CATSPERE: variants seen among roughly 807,000 people sequenced by gnomAD.
The protein encoded by CATSPERE is catsper channel auxiliary subunit epsilon.
CATSPERE carries 93 observed loss-of-function variants against 114.1 expected under a neutral mutation model. That is an observed-to-expected ratio of 0.81 (90% CI 0.69 to 0.97). CATSPERE has a LOEUF of 0.97. Ranked by LOEUF, CATSPERE falls within the 50% of genes least tolerant of loss-of-function variation. The pLI, the probability that CATSPERE is intolerant of heterozygous loss-of-function variation, is 0.00. For synonymous variants in CATSPERE, 341 were observed against 384.1 expected, an observed-to-expected ratio of 0.89 and a Z score of 1.31; for missense variants, 1,058 against 1,131.6, an observed-to-expected ratio of 0.93 and a Z score of 0.93.
At chr1:244,492,293 T>C (rs1399384320) in intron 6 of CATSPERE, among the ~76,000 whole-genome samples, 1 of 152,056 alleles carries the variant, frequency 6.6e-6, no homozygotes, top group Non-Finnish European at 1.5e-5. Flanking sequence ...GTTCAACATA[T>C]GCAAATCAAT....
chr1:244,485,628 T>C (rs1220813204), intron 5 of CATSPERE, among the ~76,000 whole-genome samples: 2 of 152,130 alleles, frequency 1.3e-5, no homozygotes, highest in Admixed American at 6.6e-5. Context: ...TGTGATTCAT[T>C]CTTGGTTATT....
Position 244,640,032 on chromosome 1 carries a change from A to T in CATSPERE, c.2807A>T (p.Tyr936Phe). 3.2e-6 allele frequency: 5 copies of T among 1,550,992 alleles called. No homozygotes were observed. Among genetic ancestry groups the T allele is most frequent in the Non-Finnish European group, 4.4e-6 (5 of 1,146,600 alleles). Residue 936 changes from tyrosine (Y) to phenylalanine (F), a missense_variant, in exon 22 of 22, where the codon TAT (tyrosine) becomes TTT (phenylalanine). Transcript: ENST00000366534. ...YFRYMRIYRR[Y>F]IYEPLHKPQR... ...CGGTACATGAGGATTTATAGACGATATATTTATGAACCACTTCACAAACCT... is the reference window on the plus strand; with the variant it reads ...CGGTACATGAGGATTTATAGACGATTTATTTATGAACCACTTCACAAACCT...
chr1:244,525,345 G>T (rs1311739534), intron 8 of CATSPERE, among the ~76,000 whole-genome samples: 4 of 123,398 alleles, frequency 3.2e-5, no homozygotes, highest in East Asian at 2.8e-4. Flanking sequence ...CTTTTGGAGT[G>T]GGGGGAGGGG....
intron 5 of CATSPERE, among the ~76,000 whole-genome samples, chr1:244,485,765 G>A (rs3003306): frequency 0.63 from 94,178 of 148,334 alleles, 30,200 homozygotes; most frequent in Middle Eastern, 0.74. Flanking sequence ...TAGTGCAATC[G>A]TAGCTCACGT....
intron 10 of CATSPERE, among the ~76,000 whole-genome samples, chr1:244,564,420 A>G (rs1663090221): frequency 6.6e-6 from 1 of 152,000 alleles, no homozygotes; most frequent in African/African-American, 2.4e-5. Flanking sequence ...GTCCTCTCTT[A>G]TTTCCTTGAG....
At chr1:244,637,448 A>G (rs1674771529) in intron 21 of CATSPERE, among the ~76,000 whole-genome samples, 1 of 152,078 alleles carries the variant, frequency 6.6e-6, no homozygotes, top group African/African-American at 2.4e-5. Flanking sequence ...TACACCTTCC[A>G]CACTGTCATT....
intron 20 of CATSPERE, among the ~76,000 whole-genome samples, chr1:244,631,033 C>A (rs893854996): frequency 1.3e-5 from 2 of 152,074 alleles, no homozygotes; most frequent in Admixed American, 1.3e-4. Context: ...TCTGTGTAAC[C>A]CTTCCTCTCC....
At chr1:244,615,643 T>C (rs1471713283) in intron 19 of CATSPERE, among the ~76,000 whole-genome samples, 2 of 152,012 alleles carry the variant, frequency 1.3e-5, no homozygotes, top group Non-Finnish European at 2.9e-5. Context: ...GGGACCACTA[T>C]TGTATATGTG....
In CATSPERE at chr1:244,485,734, G is replaced by A. The variant is rs1255421231; in HGVS notation, c.327-4713G>A. Reference sequence around the variant, plus strand: ...TTTTTTTGAGATAGGATCTTGTCCTGTCACCCAGGCTGGAGTGCAGTAGTG... The same window carrying A: ...TTTTTTTGAGATAGGATCTTGTCCTATCACCCAGGCTGGAGTGCAGTAGTG... On this transcript the variant is annotated intron_variant, in intron 5 of 21. Transcript: ENST00000366534. 2.1e-5 allele frequency among the ~76,000 whole-genome samples: 3 copies of A among 140,922 alleles called. No homozygotes were observed. The Middle Eastern group carries it at 0.012, about 550-fold the overall frequency. 92.5% of individuals were successfully genotyped at this position (140,922 alleles called of 152,430 possible). A position where few individuals can be genotyped will look rare whatever the true frequency, so the allele number is the denominator to read the frequency against.
intron 8 of CATSPERE, among the ~76,000 whole-genome samples, chr1:244,534,205 C>A (rs965357421): frequency 3.3e-5 from 5 of 152,180 alleles, no homozygotes; most frequent in Admixed American, 6.5e-5. Context: ...TATCCTTCAC[C>A]TTTATAGTAG....
intron 8 of CATSPERE, among the ~76,000 whole-genome samples, chr1:244,528,785 C>CCACACACGCACGCACACA (rs749801424): frequency 1.5e-5 from 2 of 130,536 alleles, no homozygotes; most frequent in African/African-American, 5.9e-5. Flanking sequence ...CAATCCCCCA[C>CCACACACGCACGCACACA]CACACACACA....
rs1281008386 is a variant in CATSPERE at position 244,591,685 on chromosome 1, A to G, written c.2143A>G (p.Ser715Gly). ...ATTATGTTTTGTCTTTTGTAGATTT[A>G]GTAAAAAAGGATGTCATCACCATGA... ...DKKFIAIKGF[S>G]KKGCHHHDFS... The change falls in exon 15 of 22, where the codon AGT (serine) becomes GGT (glycine). Residue 715 changes from serine to glycine, a missense_variant. By Grantham distance (56) the Ser-to-Gly change is moderately conservative. Coordinates refer to ENST00000366534, the MANE Select transcript of CATSPERE (RefSeq NM_001130957.2). 6.7e-7 allele frequency: 1 copy of G among 1,497,088 alleles called. No homozygotes were observed. The highest frequency in any genetic ancestry group is 1.9e-5 in the Admixed American group (1 of 53,724). 92.7% of individuals were successfully genotyped at this position (1,497,088 alleles called of 1,614,324 possible).
At chr1:244,616,642 C>T (rs551100869) in intron 19 of CATSPERE, among the ~76,000 whole-genome samples, 6 of 152,284 alleles carry the variant, frequency 3.9e-5, no homozygotes, top group Admixed American at 6.5e-5. Context: ...GAACCCACTC[C>T]GTGACAACGG....
At chr1:244,452,752 G>T (rs907016917), upstream of CATSPERE, among the ~76,000 whole-genome samples, 7 of 152,144 alleles carry the variant, frequency 4.6e-5, no homozygotes, top group Non-Finnish European at 1.0e-4. Flanking sequence ...CCCTAGTGAG[G>T]CTTGAATTGG....
chr1:244,570,778 G>A (rs1165858445), intron 10 of CATSPERE, among the ~76,000 whole-genome samples: 3 of 152,196 alleles, frequency 2.0e-5, no homozygotes, highest in African/African-American at 4.8e-5. Context: ...CTTCTAAACT[G>A]AAAACTAGGG....
At chr1:244,521,452 T>G (rs1479602891) in intron 8 of CATSPERE, among the ~76,000 whole-genome samples, 1 of 152,202 alleles carries the variant, frequency 6.6e-6, no homozygotes, top group Non-Finnish European at 1.5e-5. Context: ...TATCATATTT[T>G]TAAATGTTTT....
intron 20 of CATSPERE, among the ~76,000 whole-genome samples, chr1:244,631,353 A>T (rs1673922355): frequency 1.3e-5 from 2 of 152,084 alleles, no homozygotes; most frequent in Admixed American, 6.5e-5. Context: ...AAACTCATAG[A>T]AGATAACTAA....
At chr1:244,532,811 G>A (rs375400738) in intron 8 of CATSPERE, among the ~76,000 whole-genome samples, 5 of 152,184 alleles carry the variant, frequency 3.3e-5, no homozygotes, top group Admixed American at 6.5e-5. Flanking sequence ...CATGAGTTCA[G>A]GAGAAGAATG....
intron 10 of CATSPERE, among the ~76,000 whole-genome samples, chr1:244,567,631 C>T (rs1356214244): frequency 6.6e-6 from 1 of 151,590 alleles, no homozygotes; most frequent in South Asian, 2.1e-4. Context: ...TCTGCTTGAT[C>T]GATTTGGCTA....
Sources: gnomAD v4.1 joint callset for allele counts (sites outside exome capture counted in the v4.1 genomes callset) on GRCh38, gnomAD v4.1.1 for gene constraint, MANE v1.5 for transcripts, NCBI Gene and HGNC (gene_info 2026-07-23, HGNC 2026-07-21) for gene names.